Variants in PSMD6 observed in about 807,000 individuals in gnomAD.
PSMD6 encodes the protein 26S proteasome non-ATPase regulatory subunit 6.
PSMD6 carries 7 observed loss-of-function variants against 44.9 expected under a neutral mutation model. The ratio of observed to expected loss-of-function variants is 0.16; its 90% CI spans 0.09 to 0.29. The LOEUF (loss-of-function observed/expected upper bound fraction) is 0.29. Among genes scored for constraint, PSMD6 ranks in the 10% least tolerant of loss-of-function variants. PSMD6 has a pLI of 1.00. For missense variants in PSMD6, 420 were observed against 482.6 expected, an observed-to-expected ratio of 0.87 and a Z score of 1.21; for synonymous variants, 184 against 172.7, an observed-to-expected ratio of 1.07 and a Z score of -0.51.
At chr3:64,017,583 CTG>C (rs1343203319) in intron 5 of PSMD6, 2 of 152,194 alleles carry the variant, frequency 1.3e-5, no homozygotes, top group South Asian at 2.1e-4. Flanking sequence ...AGCAACATAA[CTG>C]TGTGTGTATG....
At chr3:64,023,105 C>T (rs1053691929) in intron 1 of PSMD6, 170 bp downstream of exon 1, 6 of 1,427,204 alleles carry the variant, frequency 4.2e-6, no homozygotes, top group Non-Finnish European at 5.5e-6. Context: ...CGAGGTCCCC[C>T]AGGGTATCCC....
At chr3:64,022,766 C>A in intron 1 of PSMD6, 1 of 1,536,336 alleles carries the variant, frequency 6.5e-7, no homozygotes, top group Non-Finnish European at 8.7e-7. Context: ...GGAGGGCAAT[C>A]CTCGGTTTGC....
At chr3:64,014,565 G>A (rs2076014893) in intron 5 of PSMD6, 1 of 152,326 alleles carries the variant, frequency 6.6e-6, no homozygotes, top group African/African-American at 2.4e-5. Flanking sequence ...AAGGATGCCA[G>A]ACTCAGAATG....
In PSMD6 at chr3:64,022,411, C is replaced by A; in HGVS notation, c.258G>T (p.Glu86Asp). Reference sequence around the variant, plus strand: ...GATTCTTCTCTGCATCTTCCAGCTCCTCATCCAAACGCTTCAACTCATCTT... The same window carrying A: ...GATTCTTCTCTGCATCTTCCAGCTCATCATCCAAACGCTTCAACTCATCTT... ...ANEDELKRLD[E>D]ELEDAEKNLG... The change falls in exon 2 of 8, where the codon GAG becomes GAT. Residue 86 changes from glutamate (E) to aspartate (D), a missense_variant. Coordinates refer to ENST00000295901, the MANE Select transcript of PSMD6 (RefSeq NM_014814.3). 1 of 1,614,242 alleles carries A rather than the reference C, an allele frequency of 6.2e-7. No homozygotes were observed. The highest frequency in any genetic ancestry group is 8.5e-7 in the Non-Finnish European group (1 of 1,180,040).
Position 64,023,248 on chromosome 3 carries a change from C to T in PSMD6, c.145+27G>A, listed in dbSNP as rs529371718. 8 of 1,545,026 alleles carry T rather than the reference C, an allele frequency of 5.2e-6. No homozygotes were observed. In the East Asian group the frequency reaches 2.0e-4, roughly 38 times the overall value. The stretch of plus-strand genomic sequence containing the variant: ...GCGGGGACGGCCCAGGCCTAGGCCG[C>T]TGACTCGGCGCTCGTGCGGGCCTCA... On this transcript the variant is annotated intron_variant, in intron 1 of 7. Transcript: ENST00000295901.
intron 2 of PSMD6, among the ~76,000 whole-genome samples, chr3:64,020,876 T>G (rs1401415286): frequency 6.6e-6 from 1 of 152,298 alleles, no homozygotes. Flanking sequence ...ATTGGCACCA[T>G]GTCATTCTAT....
At position 64,018,693 on chromosome 3, in the gene PSMD6, T is replaced by C. The variant is rs746586653; in HGVS notation, c.732A>G (p.Ala244=). 3 of 1,599,690 alleles carry C rather than the reference T, an allele frequency of 1.9e-6. No homozygotes were observed. The highest frequency in any genetic ancestry group is 4.5e-5 in the East Asian group (2 of 44,798). ...PDLREKVIKG[A]EILEVLHSLP... is the part of the protein sequence containing the mutation. ...GACTGTGCAACACTTCAAGAATCTCTGCTCCTTTAATGACCTAGGTATTTT... is the reference window on the plus strand; with the variant it reads ...GACTGTGCAACACTTCAAGAATCTCCGCTCCTTTAATGACCTAGGTATTTT... Residue 244 remains alanine (A), a synonymous_variant, in exon 5 of 8, where the codon GCA becomes GCG. Coordinates refer to ENST00000295901, the MANE Select transcript of PSMD6 (RefSeq NM_014814.3).
chr3:64,021,721 G>T (rs1008585553), intron 2 of PSMD6, among the ~76,000 whole-genome samples: 2 of 151,274 alleles, frequency 1.3e-5, no homozygotes, highest in Non-Finnish European at 2.9e-5. Flanking sequence ...TGAGGGAGGA[G>T]AATCGATTGA....
chr3:64,018,143 G>GA (rs1225709005), intron 5 of PSMD6, among the ~76,000 whole-genome samples: 1 of 152,152 alleles, frequency 6.6e-6, no homozygotes, highest in Non-Finnish European at 1.5e-5. Context: ...GCCCATTGCT[G>GA]AATTCAAGGT....
chr3:64,014,659 G>A (rs540746833), intron 5 of PSMD6: 1 of 152,322 alleles, frequency 6.6e-6, no homozygotes, highest in Admixed American at 6.5e-5. Flanking sequence ...GTTTCAACAA[G>A]ATGGAAATCC....
chr3:64,023,682 C>G (rs2076171936), upstream of PSMD6: 1 of 1,472,398 alleles, frequency 6.8e-7, no homozygotes, highest in African/African-American at 1.4e-5. Flanking sequence ...ACTCAAAAGC[C>G]CAATTTCTTG....
intron 5 of PSMD6, chr3:64,017,228 T>C (rs2076058712): frequency 6.6e-6 from 1 of 152,198 alleles, no homozygotes; most frequent in Admixed American, 6.5e-5. Context: ...TTATTAATAT[T>C]TGCAAAACCT....
upstream of PSMD6, chr3:64,023,502 A>G: frequency 1.4e-6 from 2 of 1,438,480 alleles, no homozygotes; most frequent in Non-Finnish European, 1.8e-6. Flanking sequence ...GTCGGCGAAT[A>G]CGCCCGGCCG....
At chr3:64,014,164 T>C (rs991117248) in intron 5 of PSMD6, 2 of 152,252 alleles carry the variant, frequency 1.3e-5, no homozygotes, top group African/African-American at 4.8e-5. Context: ...AGAAAATTTA[T>C]AACGATGAGT....
rs775540279 is a variant in PSMD6 at position 64,010,959 on chromosome 3, A to ATTTAG, written c.996-9_996-5dup. ...AGCAATAAACCTGGACAGTTCCCTA[A>ATTTAG]TTTAGAGACAAAAAATAACAGAATT... is the stretch of plus-strand genomic sequence containing the variant. On this transcript the variant is annotated splice_polypyrimidine_tract_variant and splice_region_variant and intron_variant, in intron 6 of 7. Coordinates refer to ENST00000295901, the MANE Select transcript of PSMD6 (RefSeq NM_014814.3). The ATTTAG allele has an allele frequency of 3.2e-6, 5 of 1,579,866 alleles. No homozygotes were observed. The African/African-American group carries it at 6.8e-5, about 22-fold the overall frequency.
At chr3:64,022,635 C>T (rs1438847694) in intron 1 of PSMD6, 112 bp from the exon 2 acceptor site, 2 of 1,567,576 alleles carry the variant, frequency 1.3e-6, no homozygotes, top group African/African-American at 1.4e-5. Context: ...AGTCTCTTCC[C>T]CACTAACAGG....
chr3:64,023,527 TCCGG>T, upstream of PSMD6: 1 of 1,431,712 alleles, frequency 7.0e-7, no homozygotes, highest in Non-Finnish European at 9.2e-7. Context: ...CGGCCCGGCT[TCCGG>T]TCCCGTCTCC....
At chr3:64,023,094 T>A in intron 1 of PSMD6, 181 bp downstream of exon 1, 1 of 1,426,192 alleles carries the variant, frequency 7.0e-7, no homozygotes, top group Non-Finnish European at 9.1e-7. Flanking sequence ...CTGAGGCAAG[T>A]CGAGGTCCCC....
At chr3:64,023,884 AGTAG>A, upstream of PSMD6, 4 of 1,416,738 alleles carry the variant, frequency 2.8e-6, no homozygotes, top group Non-Finnish European at 3.8e-6. Context: ...TAGCCTATTT[AGTAG>A]GTAAGACAAA....
Sources: gnomAD v4.1 joint callset for allele counts (sites outside exome capture counted in the v4.1 genomes callset) on GRCh38, gnomAD v4.1.1 for gene constraint, MANE v1.5 for transcripts, NCBI Gene and HGNC (gene_info 2026-07-23, HGNC 2026-07-21) for gene names.